DLG2: variants seen among roughly 807,000 people sequenced by gnomAD.
DLG2 encodes the protein disks large homolog 2.
Under a neutral mutation model 132.5 loss-of-function variants are expected in DLG2, and 45 were observed. The ratio of observed to expected loss-of-function variants is 0.34; its 90% CI spans 0.27 to 0.44. DLG2 has a LOEUF of 0.44. DLG2 is among the 20% of genes least tolerant of loss of function. The pLI, the probability that DLG2 is intolerant of heterozygous loss-of-function variation, is 1.00. For synonymous variants in DLG2, 424 were observed against 419.6 expected (o/e 1.01, Z -0.13); for missense variants, 1,045 against 1,196.9 (o/e 0.87, Z 1.87).
chr11:85,594,488 C>T (rs1268697234), intron 3 of DLG2, among the ~76,000 whole-genome samples: 1 of 152,096 alleles, frequency 6.6e-6, no homozygotes, highest in Non-Finnish European at 1.5e-5. Flanking sequence ...TTCCCCCTCA[C>T]ACACTGGGAA....
chr11:85,051,610 AAGG>A (rs2062899184), intron 6 of DLG2, among the ~76,000 whole-genome samples: 2 of 152,182 alleles, frequency 1.3e-5, no homozygotes, highest in African/African-American at 4.8e-5. Context: ...TGAATATTAG[AAGG>A]AGGCGTGGAA....
intron 9 of DLG2, among the ~76,000 whole-genome samples, chr11:84,158,061 TG>T (rs763557950): frequency 2.0e-4 from 30 of 150,964 alleles, no homozygotes; most frequent in Middle Eastern, 3.4e-3. Context: ...ATTTGTGTTT[TG>T]TTTTTTTGGT....
intron 3 of DLG2, among the ~76,000 whole-genome samples, chr11:85,578,319 A>C (rs2078287556): frequency 6.6e-6 from 1 of 152,230 alleles, no homozygotes; most frequent in Non-Finnish European, 1.5e-5. Context: ...GCCATTCTGG[A>C]CATGGGAATG....
At chr11:83,827,504 A>G (rs1440604243) in intron 17 of DLG2, among the ~76,000 whole-genome samples, 2 of 152,126 alleles carry the variant, frequency 1.3e-5, no homozygotes, top group African/African-American at 4.8e-5. Flanking sequence ...TTATACCTTC[A>G]CTTCGACAGC....
chr11:84,088,665 A>G (rs80206013), intron 10 of DLG2, among the ~76,000 whole-genome samples: 256 of 152,316 alleles, frequency 1.7e-3, no homozygotes, highest in African/African-American at 5.6e-3. Flanking sequence ...TTCTTGTCCA[A>G]GTACTCTATA....
chr11:84,323,843 G>A (rs781517076), intron 7 of DLG2, among the ~76,000 whole-genome samples: 1 of 149,490 alleles, frequency 6.7e-6, no homozygotes, highest in Non-Finnish European at 1.5e-5. Context: ...TATACCAAAT[G>A]GCTATTTGTG....
At chr11:83,514,409 T>C (rs1342754282) in intron 21 of DLG2, among the ~76,000 whole-genome samples, 6 of 152,212 alleles carry the variant, frequency 3.9e-5, no homozygotes, top group Non-Finnish European at 8.8e-5. Flanking sequence ...AAGTTGCTTA[T>C]GAGCTTAAGG....
intron 3 of DLG2, among the ~76,000 whole-genome samples, chr11:85,522,409 G>T (rs1440124139): frequency 6.6e-6 from 1 of 152,206 alleles, no homozygotes; most frequent in Non-Finnish European, 1.5e-5. Context: ...GGGCAGTGCG[G>T]AAGGGAAATG....
At chr11:84,877,896 G>C (rs2086641758) in intron 6 of DLG2, among the ~76,000 whole-genome samples, 1 of 152,050 alleles carries the variant, frequency 6.6e-6, no homozygotes, top group South Asian at 2.1e-4. Flanking sequence ...TCAAAAAGTG[G>C]GAGAAGAATA....
At chr11:83,747,293 TTCCTTC>T (rs2092981267) in intron 18 of DLG2, among the ~76,000 whole-genome samples, 1 of 145,168 alleles carries the variant, frequency 6.9e-6, no homozygotes, top group East Asian at 2.0e-4. Flanking sequence ...CCTTCCTTCC[TTCCTTC>T]CTTCCTTCCT....
At chr11:84,887,355 GA>G (rs2088513456) in intron 6 of DLG2, 3 of 152,240 alleles carry the variant, frequency 2.0e-5, no homozygotes, top group African/African-American at 7.2e-5. Context: ...TTATGAAAGT[GA>G]AAATGCTGGC....
intron 6 of DLG2, among the ~76,000 whole-genome samples, chr11:84,711,330 A>AAG (rs760750088): frequency 0.046 from 2,208 of 48,438 alleles, 370 homozygotes; most frequent in Non-Finnish European, 0.077. Context: ...CAGAACCAGT[A>AAG]AGAGAGAGAG....
chr11:84,970,972 T>C (rs1050546346), intron 6 of DLG2, among the ~76,000 whole-genome samples: 2 of 152,182 alleles, frequency 1.3e-5, no homozygotes, highest in South Asian at 4.1e-4. Flanking sequence ...TGCATGAGAA[T>C]TGTAATTCAC....
intron 18 of DLG2, among the ~76,000 whole-genome samples, chr11:83,664,864 T>A (rs552431946): frequency 6.6e-6 from 1 of 152,200 alleles, no homozygotes; most frequent in Non-Finnish European, 1.5e-5. Context: ...TTATTTAGCA[T>A]TTAACTGAGT....
In DLG2 at chr11:84,099,013, C is replaced by T; in HGVS notation, c.659G>A (p.Gly220Glu). The T allele has an allele frequency of 6.2e-7, 1 of 1,613,060 alleles. No homozygotes were observed. Among genetic ancestry groups the T allele is most frequent in the Non-Finnish European group, 8.5e-7 (1 of 1,179,288 alleles). ...ATCTCCAATGTGGGGATTATCTGTC[C>T]CCCCAGCAATACTGAATCCCAGGCC... ...NSGLGFSIAG[G>E]TDNPHIGDDP... Residue 220 changes from glycine to glutamate, a missense_variant, in exon 10 of 28, where the codon GGG (glycine) becomes GAG (glutamate). Gly to Glu is a moderately conservative substitution (Grantham distance 98, BLOSUM62 -2). Transcript: ENST00000376104.
At chr11:85,386,634 A>T (rs1404174792) in intron 3 of DLG2, among the ~76,000 whole-genome samples, 1 of 152,118 alleles carries the variant, frequency 6.6e-6, no homozygotes, top group Non-Finnish European at 1.5e-5. Flanking sequence ...TAGGGTCTCA[A>T]ATTAGCCCCT....
chr11:83,837,747 A>AAG (rs2056612605), intron 16 of DLG2, among the ~76,000 whole-genome samples: 1 of 147,102 alleles, frequency 6.8e-6, no homozygotes, highest in East Asian at 2.0e-4. Flanking sequence ...AAAAAAAAAA[A>AAG]GAAAAGAAAG....
chr11:85,598,536 G>T, intron 3 of DLG2, 121 bp downstream of exon 3: 1 of 558,030 alleles, frequency 1.8e-6, no homozygotes. Flanking sequence ...TTCCCTTCCA[G>T]TATTAAAGAA....
At chr11:84,026,195 C>A (rs1419052732) in intron 11 of DLG2, among the ~76,000 whole-genome samples, 10 of 151,968 alleles carry the variant, frequency 6.6e-5, no homozygotes, top group Admixed American at 6.6e-4. Flanking sequence ...GTTGACCTTG[C>A]AGCTTATAAT....
Sources: gnomAD v4.1 joint callset for allele counts (sites outside exome capture counted in the v4.1 genomes callset) on GRCh38, gnomAD v4.1.1 for gene constraint, MANE v1.5 for transcripts, NCBI Gene and HGNC (gene_info 2026-07-23, HGNC 2026-07-21) for gene names.